PRMT8: variants seen among roughly 807,000 people sequenced by gnomAD.
PRMT8 encodes the protein protein arginine methyltransferase 8.
In PRMT8, 7 loss-of-function variants were observed where a neutral mutation model predicts 47.1. The ratio of observed to expected loss-of-function variants is 0.15; its 90% CI spans 0.08 to 0.28. The LOEUF is 0.28. Among genes scored for constraint, PRMT8 ranks in the 10% least tolerant of loss-of-function variants. The pLI is 1.00. For synonymous variants in PRMT8, 188 were observed against 186.5 expected (o/e 1.01, Z -0.07); for missense variants, 237 against 505.4 (o/e 0.47, Z 5.09).
At chr12:3,447,861 A>G (rs542650312) in intron 1 of PRMT8, among the ~76,000 whole-genome samples, 4 of 152,290 alleles carry the variant, frequency 2.6e-5, no homozygotes, top group Admixed American at 2.6e-4. Context: ...AGAAAACTAC[A>G]TGTACTTGGG....
At chr12:3,389,698 A>G (rs1387625395) in intron 1 of PRMT8, among the ~76,000 whole-genome samples, 1 of 152,226 alleles carries the variant, frequency 6.6e-6, no homozygotes, top group Non-Finnish European at 1.5e-5. Flanking sequence ...GGACACAGAA[A>G]AGGGAAGGAT....
At position 3,491,282 on chromosome 12, in the gene PRMT8, G is replaced by A; in HGVS notation, c.-344G>A. On this transcript the variant is annotated 5_prime_UTR_variant, in exon 1 of 10. Transcript: ENST00000382622. Reference sequence around the variant, plus strand: ...GGCCGGACTTTGCGAGCAGCCTGGAGAGGATCCGCGACCGCCGCCGCCGCC... The same window carrying A: ...GGCCGGACTTTGCGAGCAGCCTGGAAAGGATCCGCGACCGCCGCCGCCGCC... 8.9e-7 allele frequency: 1 copy of A among 1,124,138 alleles called. No homozygotes were observed. Among genetic ancestry groups the A allele is most frequent in the Non-Finnish European group, 1.1e-6 (1 of 916,740 alleles). 69.6% of individuals were successfully genotyped at this position (1,124,138 alleles called of 1,614,324 possible). A position where few individuals can be genotyped will look rare whatever the true frequency, so the allele number is the denominator to read the frequency against.
In PRMT8 at chr12:3,569,597, C is replaced by T. The variant is rs1339358072; in HGVS notation, c.712+33C>T. 6.3e-7 allele frequency: 1 copy of T among 1,580,622 alleles called. No individual in the cohort carries two copies. Among genetic ancestry groups the T allele is most frequent in the East Asian group, 2.2e-5 (1 of 44,714 alleles). ...CCCTCTTGCTTCTCCGGTGGACTTC[C>T]ACTGCACAATTGGGGTGGGAGGCAC... On this transcript the variant is annotated intron_variant, in intron 6 of 9. Transcript: ENST00000382622. The surrounding 1 kb of genome is among the most constrained non-coding windows in gnomAD (Gnocchi z 8.2).
chr12:3,515,310 C>T (rs1344778414), intron 1 of PRMT8, among the ~76,000 whole-genome samples: 1 of 152,188 alleles, frequency 6.6e-6, no homozygotes, highest in Non-Finnish European at 1.5e-5. Context: ...CACCCTCCAC[C>T]TGCTCACTGG....
chr12:3,489,962 G>A (rs1253057305), upstream of PRMT8, among the ~76,000 whole-genome samples: 2 of 152,122 alleles, frequency 1.3e-5, no homozygotes, highest in East Asian at 1.9e-4. Context: ...CTCTTTGCCC[G>A]AGGACCAGAT....
At chr12:3,425,308 C>T (rs545802636) in intron 1 of PRMT8, among the ~76,000 whole-genome samples, 29 of 152,306 alleles carry the variant, frequency 1.9e-4, no homozygotes, top group South Asian at 4.1e-4. Flanking sequence ...TTAGCTTATC[C>T]GCTTCTTGTG....
intron 1 of PRMT8, among the ~76,000 whole-genome samples, chr12:3,397,430 G>A (rs1303659656): frequency 2.0e-5 from 3 of 150,958 alleles, no homozygotes; most frequent in South Asian, 2.2e-4. Context: ...CCTTTTAACA[G>A]ACAGGACCCT....
At chr12:3,386,795 T>A (rs7956402) in intron 1 of PRMT8, among the ~76,000 whole-genome samples, 2 of 151,554 alleles carry the variant, frequency 1.3e-5, no homozygotes, top group East Asian at 3.9e-4. Flanking sequence ...CTGCAACTTC[T>A]GTCTCCCGGG....
intron 1 of PRMT8, among the ~76,000 whole-genome samples, chr12:3,475,702 C>T (rs1865205390): frequency 1.4e-5 from 2 of 147,798 alleles, no homozygotes; most frequent in South Asian, 4.4e-4. Flanking sequence ...ATTCCTTGTC[C>T]TGAAAGGGCC....
chr12:3,538,844 A>G lies in PRMT8; in HGVS notation c.76-1762A>G, dbSNP rs1188556026. 5 of 466,564 alleles carry G rather than the reference A, an allele frequency of 1.1e-5. No homozygotes were observed. The highest frequency in any genetic ancestry group is 9.9e-5 in the African/African-American group (5 of 50,476). The allele number at this position is 466,564 out of a possible 1,614,324, so 28.9% of individuals were successfully genotyped here. ...TGAGGCAGCCCCACTCGCCTTTGCC[A>G]GCCCGCCCGGGATCTCACCGACGTG... On this transcript the variant is annotated intron_variant, in intron 1 of 9. Transcript: ENST00000382622. The surrounding 1 kb of genome is among the most constrained non-coding windows in gnomAD (Gnocchi z 4.6).
chr12:3,565,967 G>A (rs941901487), intron 4 of PRMT8, among the ~76,000 whole-genome samples: 13 of 152,228 alleles, frequency 8.5e-5, no homozygotes, highest in Admixed American at 6.5e-5. Context: ...AGGCCCCGGA[G>A]GCAGGAGAAA....
chr12:3,521,561 C>T (rs1565429864), intron 1 of PRMT8, among the ~76,000 whole-genome samples: 2 of 151,920 alleles, frequency 1.3e-5, no homozygotes, highest in African/African-American at 4.8e-5. Context: ...GCAGCAAGAG[C>T]GAAACTCCGT....
intron 1 of PRMT8, among the ~76,000 whole-genome samples, chr12:3,470,489 T>G (rs78254240): frequency 0.013 from 1,963 of 152,270 alleles, 22 homozygotes; most frequent in Non-Finnish European, 0.022. Context: ...ACCATGTTTT[T>G]CTCACTAAGT....
At chr12:3,442,936 T>G (rs1161008718) in intron 1 of PRMT8, among the ~76,000 whole-genome samples, 3 of 152,104 alleles carry the variant, frequency 2.0e-5, no homozygotes, top group Non-Finnish European at 2.9e-5. Context: ...GGATTATAGG[T>G]GTGAGCCACC....
intron 1 of PRMT8, among the ~76,000 whole-genome samples, chr12:3,434,960 G>GCTTTT (rs1451862659): frequency 6.8e-6 from 1 of 146,730 alleles, no homozygotes; most frequent in Admixed American, 6.7e-5. Flanking sequence ...AGTTTGCTTT[G>GCTTTT]CTTTGCTCTT....
intron 1 of PRMT8, among the ~76,000 whole-genome samples, chr12:3,533,763 T>C (rs1769483090): frequency 6.6e-6 from 1 of 152,260 alleles, no homozygotes; most frequent in Non-Finnish European, 1.5e-5. Context: ...AGCTGTACTT[T>C]TGCTTTCTTA....
At chr12:3,466,694 C>T (rs1176353382) in intron 1 of PRMT8, among the ~76,000 whole-genome samples, 1 of 152,128 alleles carries the variant, frequency 6.6e-6, no homozygotes, top group Non-Finnish European at 1.5e-5. Flanking sequence ...TGGACAATAG[C>T]TTGGGCCTTT....
Position 3,468,498 on chromosome 12 carries a change from C to G in PRMT8, c.49-72108C>G, listed in dbSNP as rs574441302. The stretch of plus-strand genomic sequence containing the variant: ...TGCAACAGAACACCAAGGTCCAGTA[C>G]CCACGCCAGCTCCTCCCAACACTGA... On this transcript the variant is annotated intron_variant, in intron 1 of 9. Coordinates refer to the PRMT8 transcript ENST00000452611. Among the ~76,000 whole-genome samples the G allele has an allele frequency of 1.4e-3, 210 of 152,312 alleles. 1 individual carries two copies. The highest frequency in any genetic ancestry group is 4.7e-3 in the African/African-American group (197 of 41,572).
intron 1 of PRMT8, among the ~76,000 whole-genome samples, chr12:3,454,033 G>C (rs1186229325): frequency 6.6e-6 from 1 of 152,170 alleles, no homozygotes; most frequent in Non-Finnish European, 1.5e-5. Flanking sequence ...CAGCAATGCG[G>C]GCGTCAGCCT....
Sources: allele counts gnomAD v4.1 joint callset (sites outside exome capture counted in the v4.1 genomes callset), GRCh38; gene constraint gnomAD v4.1.1; non-coding constraint Gnocchi (gnomAD v3.1); transcripts MANE v1.5; gene names NCBI Gene and HGNC (gene_info 2026-07-23, HGNC 2026-07-21).